Variants in GABBR2 observed in about 807,000 individuals in gnomAD.
The protein encoded by GABBR2 is gamma-aminobutyric acid type B receptor subunit 2.
GABBR2 carries 23 observed loss-of-function variants against 105.6 expected under a neutral mutation model. The ratio of observed to expected loss-of-function variants is 0.22; its 90% CI spans 0.16 to 0.31. The LOEUF (loss-of-function observed/expected upper bound fraction) is 0.31, where lower values mean the gene tolerates loss of function less well. Among genes scored for constraint, GABBR2 ranks in the 10% least tolerant of loss-of-function variants. The probability of loss-of-function intolerance (pLI) is 1.00; values close to 1 mark genes in which losing one functional copy is unlikely to be tolerated. For missense variants in GABBR2, 734 were observed against 1,245.5 expected (o/e 0.59, Z 6.18); for synonymous variants, 478 against 499.7 (o/e 0.96, Z 0.58).
At chr9:98,566,825 G>A (rs1419516789) in intron 2 of GABBR2, among the ~76,000 whole-genome samples, 3 of 131,292 alleles carry the variant, frequency 2.3e-5, no homozygotes, top group East Asian at 2.2e-4. Context: ...AAAAAAAGGC[G>A]ACAAAGAAAA....
At chr9:98,525,415 C>T (rs1827938817) in intron 3 of GABBR2, among the ~76,000 whole-genome samples, 1 of 152,176 alleles carries the variant, frequency 6.6e-6, no homozygotes, top group South Asian at 2.1e-4. Context: ...TGTTCAACAT[C>T]ATTATTCATT....
At chr9:98,356,580 G>A (rs1831487564) in intron 13 of GABBR2, among the ~76,000 whole-genome samples, 1 of 152,204 alleles carries the variant, frequency 6.6e-6, no homozygotes, top group Non-Finnish European at 1.5e-5. Flanking sequence ...AAACGGTATA[G>A]TCACTTTGGA....
intron 15 of GABBR2, 39 bp from the exon 16 acceptor site, chr9:98,303,462 C>T: frequency 3.9e-6 from 6 of 1,556,836 alleles, no homozygotes; most frequent in Non-Finnish European, 5.3e-6. Flanking sequence ...GAAGAGAGAG[C>T]CTTGAGTCCT....
intron 10 of GABBR2, among the ~76,000 whole-genome samples, chr9:98,387,829 C>T (rs978679463): frequency 1.4e-4 from 21 of 151,982 alleles, no homozygotes; most frequent in African/African-American, 4.1e-4. Flanking sequence ...ACCAAGCACA[C>T]ACACAAAAGT....
chr9:98,652,613 C>T (rs1439273320), intron 1 of GABBR2, among the ~76,000 whole-genome samples: 5 of 152,252 alleles, frequency 3.3e-5, no homozygotes, highest in East Asian at 1.9e-4. Flanking sequence ...CCCCACTCTC[C>T]TTCAAAGTGA....
intron 7 of GABBR2, among the ~76,000 whole-genome samples, chr9:98,434,950 G>A (rs1216759266): frequency 6.6e-6 from 1 of 152,180 alleles, no homozygotes; most frequent in Non-Finnish European, 1.5e-5. Flanking sequence ...CACACAAGGA[G>A]GTTTTCTTAA....
At chr9:98,668,764 T>C (rs1012210368) in intron 1 of GABBR2, among the ~76,000 whole-genome samples, 3 of 152,212 alleles carry the variant, frequency 2.0e-5, no homozygotes, top group African/African-American at 7.2e-5. Flanking sequence ...ATTGGAATCA[T>C]AGAATATTTG....
chr9:98,410,120 A>ATTTTTTTTTT (rs564055730), intron 7 of GABBR2, among the ~76,000 whole-genome samples: 6,241 of 147,054 alleles, frequency 0.042, 485 homozygotes, highest in African/African-American at 0.15. Context: ...TTGAGCTGGA[A>ATTTTTTTTTT]TTTTTTTTTT....
chr9:98,332,062 C>T (rs1831036559), intron 13 of GABBR2, among the ~76,000 whole-genome samples: 1 of 152,190 alleles, frequency 6.6e-6, no homozygotes, highest in African/African-American at 2.4e-5. Context: ...TGACAGTCAG[C>T]ATGGGGTATG....
chr9:98,604,301 C>G (rs2131807626), intron 1 of GABBR2, among the ~76,000 whole-genome samples: 3 of 152,310 alleles, frequency 2.0e-5, no homozygotes, highest in African/African-American at 7.2e-5. Context: ...ATTTCATCGG[C>G]TTTATTGAGC....
intron 4 of GABBR2, among the ~76,000 whole-genome samples, chr9:98,488,059 A>G (rs1467952358): frequency 3.3e-5 from 5 of 152,108 alleles, no homozygotes; most frequent in Non-Finnish European, 7.4e-5. Flanking sequence ...TTGAAGATAG[A>G]GGAAGGGGAT....
In GABBR2 at chr9:98,517,289, G is replaced by A. The variant is rs534241355; in HGVS notation, c.631-20775C>T. Among the ~76,000 whole-genome samples, 4 of 152,158 alleles carry A rather than the reference G, an allele frequency of 2.6e-5. No homozygotes were observed. The South Asian group carries it at 6.2e-4, about 24-fold the overall frequency. ...CCTTTTGCAACCTCATTGTGTGTCA[G>A]CTTCTTCCTTCACCCAGTCCCACCT... On this transcript the variant is annotated intron_variant, in intron 3 of 18. Coordinates refer to ENST00000259455, the MANE Select transcript of GABBR2 (RefSeq NM_005458.8).
At chr9:98,348,828 TC>T (rs1444305934) in intron 13 of GABBR2, among the ~76,000 whole-genome samples, 2 of 152,160 alleles carry the variant, frequency 1.3e-5, no homozygotes, top group Non-Finnish European at 1.5e-5. Flanking sequence ...TTTGGTGGAG[TC>T]TTTAGGTTTT....
At chr9:98,488,073 A>C (rs1827097463) in intron 4 of GABBR2, among the ~76,000 whole-genome samples, 1 of 152,180 alleles carries the variant, frequency 6.6e-6, no homozygotes, top group Non-Finnish European at 1.5e-5. Flanking sequence ...AGGGGATGCC[A>C]GCTGAGGGAT....
intron 3 of GABBR2, among the ~76,000 whole-genome samples, chr9:98,510,674 A>C (rs1255235215): frequency 1.3e-5 from 2 of 151,880 alleles, no homozygotes; most frequent in African/African-American, 4.8e-5. Flanking sequence ...GAGACAAAGA[A>C]GGCCATTACA....
intron 1 of GABBR2, among the ~76,000 whole-genome samples, chr9:98,618,039 T>C (rs1829613275): frequency 6.6e-6 from 1 of 152,192 alleles, no homozygotes; most frequent in African/African-American, 2.4e-5. Context: ...GCCTGGTCTA[T>C]AGAAAGTGCT....
intron 13 of GABBR2, among the ~76,000 whole-genome samples, chr9:98,337,175 G>T (rs1210554450): frequency 6.6e-6 from 1 of 151,922 alleles, no homozygotes; most frequent in Non-Finnish European, 1.5e-5. Flanking sequence ...CATGGTGGTG[G>T]GTGCCTGTAA....
At chr9:98,453,874 G>A in intron 7 of GABBR2, 107 bp downstream of exon 7, 1 of 797,574 alleles carries the variant, frequency 1.3e-6, no homozygotes, top group Non-Finnish European at 2.2e-6. Flanking sequence ...TTATTTCAAT[G>A]ATCAGAGATA....
At chr9:98,590,997 A>G (rs952466656) in intron 1 of GABBR2, among the ~76,000 whole-genome samples, 1 of 152,218 alleles carries the variant, frequency 6.6e-6, no homozygotes, top group African/African-American at 2.4e-5. Flanking sequence ...ATAAAAAGTG[A>G]CATACAGTCT....
Sources: allele counts gnomAD v4.1 joint callset (sites outside exome capture counted in the v4.1 genomes callset), GRCh38; gene constraint gnomAD v4.1.1; transcripts MANE v1.5; gene names NCBI Gene and HGNC (gene_info 2026-07-23, HGNC 2026-07-21).